The following SLC7A14 variants were observed in gnomAD, a reference collection of about 807,000 sequenced individuals.
SLC7A14 encodes solute carrier family 7 member 14.
A neutral mutation model predicts 60.2 loss-of-function variants in SLC7A14; 37 were observed. The observed-to-expected ratio is 0.61, with a 90% CI of 0.47 to 0.81. The LOEUF (loss-of-function observed/expected upper bound fraction) is 0.81. SLC7A14 is among the 30% of genes least tolerant of loss of function. The pLI is 0.00. For missense variants in SLC7A14, 886 were observed against 982.7 expected (o/e 0.90, Z 1.32); for synonymous variants, 399 against 395.8 (o/e 1.01, Z -0.10).
intron 7 of SLC7A14, among the ~76,000 whole-genome samples, chr3:170,471,059 G>A (rs1241462838): frequency 6.6e-6 from 1 of 150,510 alleles, no homozygotes; most frequent in Non-Finnish European, 1.5e-5. Context: ...ATCTTGTTTT[G>A]TTTAGACTCC....
chr3:170,581,843 C>T (rs1715245483), intron 1 of SLC7A14, among the ~76,000 whole-genome samples: 2 of 152,098 alleles, frequency 1.3e-5, no homozygotes, highest in Non-Finnish European at 1.5e-5. Context: ...CATAATGTCA[C>T]CAAGTAGTAT....
chr3:170,517,270 C>T (rs1713192771), intron 2 of SLC7A14, among the ~76,000 whole-genome samples: 1 of 152,118 alleles, frequency 6.6e-6, no homozygotes, highest in Non-Finnish European at 1.5e-5. Context: ...TGACATATGG[C>T]TGTGTATTGG....
In SLC7A14 at chr3:170,467,079, A is replaced by G; in HGVS notation, c.2292T>C (p.Asp764=). The G allele has an allele frequency of 6.2e-7, 1 of 1,612,406 alleles. No individual in the cohort carries two copies. Among genetic ancestry groups the G allele is most frequent in the Non-Finnish European group, 8.5e-7 (1 of 1,179,230 alleles). The change falls in exon 8 of 8, where the codon GAT becomes GAC. Residue 764 remains aspartate (D), a synonymous_variant. Transcript: ENST00000231706. ...CCTACTCTGGAGAGTAATCTAACTC[A>G]TCATTTGCAATCAGGGCCTCTGAGT... ...KQNSEALIAN[D]ELDYSPE
intron 2 of SLC7A14, among the ~76,000 whole-genome samples, chr3:170,524,329 C>G (rs1231665255): frequency 6.6e-6 from 1 of 152,204 alleles, no homozygotes; most frequent in Non-Finnish European, 1.5e-5. Flanking sequence ...CAGCATAACA[C>G]AGTCTGGACC....
chr3:170,556,075 C>G (rs144569694), intron 1 of SLC7A14, among the ~76,000 whole-genome samples: 7 of 152,294 alleles, frequency 4.6e-5, no homozygotes, highest in African/African-American at 1.7e-4. Context: ...GTGGGTGTAC[C>G]ACAAATGTTG....
chr3:170,470,616 A>G (rs868262002), intron 7 of SLC7A14, among the ~76,000 whole-genome samples: 3 of 151,856 alleles, frequency 2.0e-5, no homozygotes, highest in South Asian at 2.1e-4. Flanking sequence ...CTGTGTGTCT[A>G]TCTTTCTTGC....
At chr3:170,491,449 G>A (rs1455247351) in intron 4 of SLC7A14, among the ~76,000 whole-genome samples, 1 of 152,196 alleles carries the variant, frequency 6.6e-6, no homozygotes, top group Non-Finnish European at 1.5e-5. Context: ...ACATTAGGCA[G>A]TCAAGATAAT....
chr3:170,529,135 G>A (rs1713599046), intron 1 of SLC7A14, among the ~76,000 whole-genome samples: 1 of 152,136 alleles, frequency 6.6e-6, no homozygotes, highest in African/African-American at 2.4e-5. Context: ...TTGCAGAAAA[G>A]TCAGACAATA....
chr3:170,520,608 AGTATT>A (rs1713314044), intron 2 of SLC7A14, among the ~76,000 whole-genome samples: 1 of 152,208 alleles, frequency 6.6e-6, no homozygotes, highest in African/African-American at 2.4e-5. Flanking sequence ...AAAAATTGTA[AGTATT>A]GTGTACCAGG....
At chr3:170,494,464 G>A (rs1712319019) in intron 4 of SLC7A14, among the ~76,000 whole-genome samples, 1 of 152,216 alleles carries the variant, frequency 6.6e-6, no homozygotes, top group African/African-American at 2.4e-5. Flanking sequence ...AGGATGTGGA[G>A]CCCCTGAGAA....
At chr3:170,472,974 T>G (rs752173976) in intron 7 of SLC7A14, among the ~76,000 whole-genome samples, 4 of 152,084 alleles carry the variant, frequency 2.6e-5, no homozygotes, top group Non-Finnish European at 5.9e-5. Flanking sequence ...CTTTATATAT[T>G]AAAAAAAGCA....
chr3:170,536,584 T>A (rs1325353229), intron 1 of SLC7A14, among the ~76,000 whole-genome samples: 1 of 152,180 alleles, frequency 6.6e-6, no homozygotes, highest in Non-Finnish European at 1.5e-5. Flanking sequence ...GAGCACACTA[T>A]CATACCATGA....
At chr3:170,496,030 T>G (rs1712382250) in intron 4 of SLC7A14, 2 of 1,201,766 alleles carry the variant, frequency 1.7e-6, no homozygotes, top group Non-Finnish European at 2.5e-6. Context: ...AAGAAGGACA[T>G]GGATGAAGCT....
chr3:170,516,477 C>T (rs1369970276), intron 2 of SLC7A14, among the ~76,000 whole-genome samples: 1 of 151,458 alleles, frequency 6.6e-6, no homozygotes, highest in Non-Finnish European at 1.5e-5. Context: ...AATCCCAGTA[C>T]TTTGGGAGGC....
chr3:170,501,052 C>G, intron 3 of SLC7A14, 57 bp downstream of exon 3: 2 of 1,557,174 alleles, frequency 1.3e-6, no homozygotes, highest in South Asian at 1.1e-5. Context: ...AAGGAGAACT[C>G]ATTTATGTGG....
chr3:170,505,949 A>G (rs927765682), intron 2 of SLC7A14, among the ~76,000 whole-genome samples: 5 of 152,226 alleles, frequency 3.3e-5, no homozygotes, highest in African/African-American at 9.6e-5. Context: ...AATCCATTAA[A>G]AAATTTTGCC....
At chr3:170,509,406 C>A (rs1712894488) in intron 2 of SLC7A14, among the ~76,000 whole-genome samples, 2 of 152,286 alleles carry the variant, frequency 1.3e-5, no homozygotes, top group South Asian at 4.1e-4. Flanking sequence ...TCTGCCAAAC[C>A]ACTGCCCCAA....
intron 1 of SLC7A14, among the ~76,000 whole-genome samples, chr3:170,547,992 G>T (rs1390604511): frequency 6.6e-6 from 1 of 152,198 alleles, no homozygotes; most frequent in Non-Finnish European, 1.5e-5. Flanking sequence ...TAATGGGCAT[G>T]CATGTTTTAT....
intron 1 of SLC7A14, among the ~76,000 whole-genome samples, chr3:170,534,779 C>G (rs186245392): frequency 1.3e-5 from 2 of 152,090 alleles, no homozygotes; most frequent in African/African-American, 4.8e-5. Flanking sequence ...TGAAATAATT[C>G]TTTAAAAAAA....
Sources: allele counts gnomAD v4.1 joint callset (sites outside exome capture counted in the v4.1 genomes callset), GRCh38; gene constraint gnomAD v4.1.1; transcripts MANE v1.5; gene names NCBI Gene and HGNC (gene_info 2026-07-23, HGNC 2026-07-21).